ZNF529: variants seen among roughly 807,000 people sequenced by gnomAD.
ZNF529 encodes the protein zinc finger protein 529.
Under a neutral mutation model 10.1 loss-of-function variants are expected in ZNF529, and 11 were observed. The ratio of observed to expected loss-of-function variants is 1.09; its 90% CI spans 0.69 to 1.81. ZNF529 has a LOEUF of 1.81. Ranked by LOEUF, ZNF529 falls within the 40% of genes most tolerant of loss-of-function variation. The pLI is 0.00. For missense variants in ZNF529, 624 were observed against 666.8 expected (o/e 0.94, Z 0.71); for synonymous variants, 204 against 215.7 (o/e 0.95, Z 0.47).
At chr19:36,554,858 A>G in intron 3 of ZNF529, 62 bp from the exon 4 acceptor site, 1 of 1,422,098 alleles carries the variant, frequency 7.0e-7, no homozygotes, top group Non-Finnish European at 9.3e-7. Flanking sequence ...AGAAAAAGAC[A>G]AGAGGAATTG....
Position 36,570,678 on chromosome 19 carries a change from C to T in ZNF529, c.14+1655G>A, listed in dbSNP as rs543207924. Reference sequence around the variant, plus strand: ...GAGTCCTTCTCGCAAATCATTGAACCTAAGACAGTCAAATTGCCTTAATAG... The same window carrying T: ...GAGTCCTTCTCGCAAATCATTGAACTTAAGACAGTCAAATTGCCTTAATAG... On this transcript the variant is annotated intron_variant, in intron 2 of 4. Coordinates refer to ENST00000591340, the MANE Select transcript of ZNF529 (RefSeq NM_020951.5). 7.9e-5 allele frequency among the ~76,000 whole-genome samples: 12 copies of T among 152,306 alleles called. No homozygotes were observed. The East Asian group carries it at 1.9e-3, about 24-fold the overall frequency.
chr19:36,602,419 C>T (rs2036939574), intron 1 of ZNF529, among the ~76,000 whole-genome samples: 1 of 151,038 alleles, frequency 6.6e-6, no homozygotes, highest in African/African-American at 2.5e-5. Flanking sequence ...ATATAATTTT[C>T]ACATGTCATG....
At chr19:36,575,828 C>T (rs1000774085), upstream of ZNF529, among the ~76,000 whole-genome samples, 15 of 151,776 alleles carry the variant, frequency 9.9e-5, no homozygotes, top group African/African-American at 3.4e-4. Context: ...AGAGGTTTCA[C>T]ATGTGTTTTT....
intron 2 of ZNF529, among the ~76,000 whole-genome samples, chr19:36,562,713 T>C (rs377144640): frequency 3.3e-5 from 5 of 151,806 alleles, no homozygotes; most frequent in Non-Finnish European, 5.9e-5. Context: ...GGCAGGTGCC[T>C]GTAGTCCCAG....
Position 36,544,537 on chromosome 19 carries a change from G to A in ZNF529, c.*2329C>T, listed in dbSNP as rs911922165. 4 of 152,164 alleles carry A rather than the reference G, an allele frequency of 2.6e-5. No homozygotes were observed. Among genetic ancestry groups the A allele is most frequent in the African/African-American group, 9.7e-5 (4 of 41,430 alleles). The allele number at this position is 152,164 out of a possible 1,614,324, so 9.4% of individuals were successfully genotyped here. On this transcript the variant is annotated 3_prime_UTR_variant, in exon 5 of 5. Transcript: ENST00000591340. Reference sequence around the variant, plus strand: ...TACCCAAAAGAGGAACATTAGCACTGATGGTAACTCAGGATAAAAAGGGAG... The same window carrying A: ...TACCCAAAAGAGGAACATTAGCACTAATGGTAACTCAGGATAAAAAGGGAG...
chr19:36,584,782 GAA>G (rs2036544771), intron 2 of ZNF529, among the ~76,000 whole-genome samples: 2 of 147,842 alleles, frequency 1.4e-5, no homozygotes, highest in African/African-American at 5.0e-5. Context: ...AAAAAAAAAA[GAA>G]AGAATGTACC....
rs1568573098 is a variant in ZNF529, at chr19:36,547,953, T to TTA, written c.603_604dup (p.Asn202IlefsTer10). ...TATCCCAAAGGTTTTCCAACATTGA[T>TTA]TACATTCATAGTTTTTTCCACCAGT... On this transcript the variant is annotated frameshift_variant, in exon 5 of 5. Transcript: ENST00000591340. LOFTEE classifies it low-confidence loss of function (END_TRUNC). 1 of 1,612,664 alleles carries TTA rather than the reference T, an allele frequency of 6.2e-7. No individual in the cohort carries two copies. Among genetic ancestry groups the TTA allele is most frequent in the East Asian group, 2.2e-5 (1 of 44,854 alleles).
chr19:36,588,868 TAA>T (rs1286412879), intron 2 of ZNF529, among the ~76,000 whole-genome samples: 2 of 151,914 alleles, frequency 1.3e-5, no homozygotes, highest in Non-Finnish European at 2.9e-5. Context: ...CCAGCAAACA[TAA>T]GTGTTTCCCT....
chr19:36,572,962 TTATAGTTGGTCACAACAGTGC>T (rs2036194412), intron 1 of ZNF529, 157 bp downstream of exon 1: 1 of 154,964 alleles, frequency 6.5e-6, no homozygotes, highest in African/African-American at 2.4e-5. Context: ...CCGTTCACAC[TTATAGTTGGTCACAACAGTGC>T]TGTCACACGA....
intron 1 of ZNF529, among the ~76,000 whole-genome samples, chr19:36,592,517 C>G (rs988970041): frequency 6.6e-6 from 1 of 150,516 alleles, no homozygotes; most frequent in Non-Finnish European, 1.5e-5. Context: ...TCGCTTGAAC[C>G]TGGGAGATGG....
upstream of ZNF529, chr19:36,577,380 T>G: frequency 3.3e-6 from 1 of 303,506 alleles, no homozygotes. Flanking sequence ...GCACCACTGT[T>G]TCCCTTCTAG....
intron 4 of ZNF529, among the ~76,000 whole-genome samples, chr19:36,549,136 C>A (rs1026676340): frequency 5.3e-5 from 8 of 152,094 alleles, no homozygotes; most frequent in African/African-American, 1.7e-4. Flanking sequence ...ATGCCAGCTT[C>A]TTTTCTTTGT....
chr19:36,555,843 A>G (rs971779345), intron 3 of ZNF529, among the ~76,000 whole-genome samples: 1 of 152,164 alleles, frequency 6.6e-6, no homozygotes, highest in Non-Finnish European at 1.5e-5. Context: ...CTTTTTCCCT[A>G]TCCAAGAATA....
At chr19:36,588,377 C>G (rs1016165905) in intron 2 of ZNF529, among the ~76,000 whole-genome samples, 2 of 152,086 alleles carry the variant, frequency 1.3e-5, no homozygotes, top group Non-Finnish European at 2.9e-5. Flanking sequence ...TTTTACCCTC[C>G]TAGTGTCCAC....
At chr19:36,567,321 T>C (rs1380220836) in intron 2 of ZNF529, among the ~76,000 whole-genome samples, 1 of 152,142 alleles carries the variant, frequency 6.6e-6, no homozygotes, top group African/African-American at 2.4e-5. Flanking sequence ...GCATCACTCC[T>C]TAATAACACA....
At chr19:36,550,450 G>T (rs2035216802) in intron 4 of ZNF529, among the ~76,000 whole-genome samples, 2 of 152,172 alleles carry the variant, frequency 1.3e-5, no homozygotes, top group Admixed American at 1.3e-4. Flanking sequence ...GGAGGCTGAG[G>T]CAGGAGAATC....
chr19:36,548,889 G>A (rs1411172223), intron 4 of ZNF529, among the ~76,000 whole-genome samples: 1 of 152,190 alleles, frequency 6.6e-6, no homozygotes, highest in Non-Finnish European at 1.5e-5. Context: ...TGTAGTCCCA[G>A]CTACTTGGGA....
At chr19:36,548,851 C>T (rs1462268919) in intron 4 of ZNF529, among the ~76,000 whole-genome samples, 1 of 152,082 alleles carries the variant, frequency 6.6e-6, no homozygotes, top group Non-Finnish European at 1.5e-5. Context: ...TACTAAAATA[C>T]AAACAGCTGG....
chr19:36,577,041 C>T (rs1377236643), upstream of ZNF529: 13 of 353,914 alleles, frequency 3.7e-5, no homozygotes, highest in Non-Finnish European at 2.3e-5. Context: ...CAGCCTCGAC[C>T]TCTTAGGCTC....
Sources: gnomAD v4.1 joint callset for allele counts (sites outside exome capture counted in the v4.1 genomes callset) on GRCh38, gnomAD v4.1.1 for gene constraint, MANE v1.5 for transcripts, NCBI Gene and HGNC (gene_info 2026-07-23, HGNC 2026-07-21) for gene names.